PTPRG: variants seen among roughly 807,000 people sequenced by gnomAD.
The protein encoded by PTPRG is receptor-type tyrosine-protein phosphatase gamma.
In PTPRG, 102 loss-of-function variants were observed where a neutral mutation model predicts 165.3. The ratio of observed to expected loss-of-function variants is 0.62; its 90% CI spans 0.53 to 0.73. PTPRG has a LOEUF of 0.73. Among genes scored for constraint, PTPRG ranks in the 30% least tolerant of loss-of-function variants. The pLI is 0.00. For missense variants in PTPRG, 1,866 were observed against 1,861.4 expected, an observed-to-expected ratio of 1.00 and a Z score of -0.05; for synonymous variants, 675 against 669.5, an observed-to-expected ratio of 1.01 and a Z score of -0.13.
chr3:61,749,020 G>A, intron 2 of PTPRG, 38 bp downstream of exon 2: 1 of 1,493,698 alleles, frequency 6.7e-7, no homozygotes, highest in Non-Finnish European at 9.3e-7. Flanking sequence ...ACACAGGCCA[G>A]TTAACATCCC....
At chr3:61,816,382 A>C (rs1487652026) in intron 2 of PTPRG, among the ~76,000 whole-genome samples, 5 of 152,180 alleles carry the variant, frequency 3.3e-5, no homozygotes, top group Non-Finnish European at 7.3e-5. Flanking sequence ...ATACAAAAAA[A>C]ATTGCTGGGC....
At chr3:61,877,500 G>A (rs2037775838) in intron 2 of PTPRG, among the ~76,000 whole-genome samples, 1 of 152,052 alleles carries the variant, frequency 6.6e-6, no homozygotes, top group Non-Finnish European at 1.5e-5. Flanking sequence ...CAGAAAGCGG[G>A]GGAAACAGCT....
rs745938429 is a variant in PTPRG at position 62,277,547 on chromosome 3, G to A, written c.3637-4G>A. 6.2e-7 allele frequency: 1 copy of A among 1,609,370 alleles called. No individual in the cohort carries two copies. Among genetic ancestry groups the A allele is most frequent in the East Asian group, 2.2e-5 (1 of 44,824 alleles). On this transcript the variant is annotated splice_region_variant and splice_polypyrimidine_tract_variant and intron_variant, in intron 25 of 29. Transcript: ENST00000474889. ...ACTGATTTTTTTTGTCTTCCCAACT[G>A]AAGGGCTATTATAGGAGCAATGAAT...
chr3:61,638,030 C>CA (rs1187593965), intron 1 of PTPRG, among the ~76,000 whole-genome samples: 7 of 151,926 alleles, frequency 4.6e-5, no homozygotes, highest in South Asian at 2.1e-4. Flanking sequence ...GACGTAATTA[C>CA]AAAAAAAATT....
At chr3:62,073,785 A>C (rs1247537661) in intron 4 of PTPRG, among the ~76,000 whole-genome samples, 1 of 152,210 alleles carries the variant, frequency 6.6e-6, no homozygotes, top group Non-Finnish European at 1.5e-5. Context: ...CCAGCTGACA[A>C]ACCTCAATTC....
At chr3:61,573,166 A>G (rs551051277) in intron 1 of PTPRG, among the ~76,000 whole-genome samples, 17 of 152,238 alleles carry the variant, frequency 1.1e-4, no homozygotes, top group Non-Finnish European at 1.9e-4. Context: ...AGTTAAGACA[A>G]AAGTGTGTTT....
At chr3:62,010,057 A>G (rs2041383745) in intron 4 of PTPRG, among the ~76,000 whole-genome samples, 1 of 152,066 alleles carries the variant, frequency 6.6e-6, no homozygotes, top group Admixed American at 6.6e-5. Flanking sequence ...AGCTGGGGCT[A>G]CAACCACACA....
intron 4 of PTPRG, among the ~76,000 whole-genome samples, chr3:62,063,871 G>A (rs543155969): frequency 1.3e-5 from 2 of 152,084 alleles, no homozygotes; most frequent in African/African-American, 4.8e-5. Context: ...GCGTTTCATT[G>A]TGGTAAAAGA....
At chr3:62,205,898 T>C (rs1700218768) in intron 12 of PTPRG, among the ~76,000 whole-genome samples, 1 of 152,110 alleles carries the variant, frequency 6.6e-6, no homozygotes, top group Admixed American at 6.5e-5. Context: ...GTGGAGATGA[T>C]ATAGGAAGGC....
intron 2 of PTPRG, chr3:61,753,607 T>G: frequency 2.4e-6 from 1 of 424,754 alleles, no homozygotes. Context: ...TTTTTGGAGA[T>G]TGGATCTTGC....
rs556842729 is a variant in PTPRG at position 62,255,814 on chromosome 3, A to T, written c.2559+599A>T. 1.3e-5 allele frequency among the ~76,000 whole-genome samples: 2 copies of T among 152,332 alleles called. No homozygotes were observed. The highest frequency in any genetic ancestry group is 4.8e-5 in the African/African-American group (2 of 41,586). On this transcript the variant is annotated intron_variant, in intron 16 of 29. Coordinates refer to ENST00000474889, the MANE Select transcript of PTPRG (RefSeq NM_002841.4). The surrounding 1 kb of genome is among the most constrained non-coding windows in gnomAD (Gnocchi z 4.0). ...GTTGACTGTTGTTGTTTTCATGATT[A>T]TTAATCCTTGGAGAGAAGACTTGGG...
chr3:62,060,692 TCTC>T (rs1304669279), intron 4 of PTPRG, among the ~76,000 whole-genome samples: 2 of 152,218 alleles, frequency 1.3e-5, no homozygotes, highest in Admixed American at 6.5e-5. Flanking sequence ...CAAAAGAAAT[TCTC>T]CTTGATAAAT....
chr3:62,029,785 G>A (rs1699703123), intron 4 of PTPRG, among the ~76,000 whole-genome samples: 2 of 152,172 alleles, frequency 1.3e-5, no homozygotes, highest in South Asian at 4.1e-4. Context: ...ATAAGACCTT[G>A]CATTTATTTT....
At chr3:61,898,079 G>C (rs1417579372) in intron 2 of PTPRG, among the ~76,000 whole-genome samples, 1 of 152,206 alleles carries the variant, frequency 6.6e-6, no homozygotes, top group East Asian at 1.9e-4. Context: ...AGAACTTTCA[G>C]TGCTGTGTTG....
intron 1 of PTPRG, among the ~76,000 whole-genome samples, chr3:61,604,681 C>T (rs760188353): frequency 7.9e-5 from 12 of 152,076 alleles, no homozygotes; most frequent in Non-Finnish European, 1.6e-4. Flanking sequence ...GGTAGTTGAA[C>T]GCAGGTCTGT....
chr3:61,749,838 T>A (rs1398149604), intron 2 of PTPRG: 2 of 152,306 alleles, frequency 1.3e-5, no homozygotes. Context: ...TTAGTCTTAA[T>A]AATAAATCTA....
At chr3:62,126,951 T>C (rs979985067) in intron 5 of PTPRG, among the ~76,000 whole-genome samples, 1 of 152,170 alleles carries the variant, frequency 6.6e-6, no homozygotes, top group African/African-American at 2.4e-5. Context: ...TGTTGGAATG[T>C]CAAAAGGGAA....
At position 62,146,338 on chromosome 3, in the gene PTPRG, A is replaced by G. The variant is rs115910608; in HGVS notation, c.683-10729A>G. Among the ~76,000 whole-genome samples the G allele has an allele frequency of 4.5e-3, 688 of 152,288 alleles. 4 individuals carry two copies. The highest frequency in any genetic ancestry group is 0.014 in the African/African-American group (595 of 41,566). ...TGTCTTTGAACCCTGTGGGGTGGCT[A>G]TTCATGACCTTGGATTGCTCTTCTC... On this transcript the variant is annotated intron_variant, in intron 6 of 29. Transcript: ENST00000474889.
intron 1 of PTPRG, among the ~76,000 whole-genome samples, chr3:61,634,493 T>C (rs1246953844): frequency 6.6e-6 from 1 of 151,878 alleles, no homozygotes; most frequent in Non-Finnish European, 1.5e-5. Flanking sequence ...CACTTTGACC[T>C]CCGAAAGTGT....
Sources: gnomAD v4.1 joint callset for allele counts (sites outside exome capture counted in the v4.1 genomes callset) on GRCh38, gnomAD v4.1.1 for gene constraint, Gnocchi (gnomAD v3.1) non-coding constraint, MANE v1.5 for transcripts, NCBI Gene and HGNC (gene_info 2026-07-23, HGNC 2026-07-21) for gene names.